PPIP5K2: variants seen among roughly 807,000 people sequenced by gnomAD.
The protein encoded by PPIP5K2 is diphosphoinositol pentakisphosphate kinase 2, also known as inositol hexakisphosphate and diphosphoinositol-pentakisphosphate kinase 2.
Under a neutral mutation model 154.6 loss-of-function variants are expected in PPIP5K2, and 105 were observed. The observed-to-expected ratio is 0.68, with a 90% CI of 0.58 to 0.80. The LOEUF is 0.80. Among genes scored for constraint, PPIP5K2 ranks in the 30% least tolerant of loss-of-function variants. The probability of loss-of-function intolerance (pLI) is 0.00; values close to 1 mark genes in which losing one functional copy is unlikely to be tolerated. For missense variants in PPIP5K2, 992 were observed against 1,504.6 expected, an observed-to-expected ratio of 0.66 and a Z score of 5.64; for synonymous variants, 480 against 490.3, an observed-to-expected ratio of 0.98 and a Z score of 0.28.
intron 21 of PPIP5K2, chr5:103,177,041 C>A: frequency 1.8e-6 from 1 of 570,418 alleles, no homozygotes; most frequent in East Asian, 3.2e-5. Flanking sequence ...AAATGGCATT[C>A]CTGTTATAGG....
rs375780717 is a variant in PPIP5K2, at chr5:103,136,842, G to A, written c.401+20G>A. 1 of 1,557,856 alleles carries A rather than the reference G, an allele frequency of 6.4e-7. No homozygotes were observed. Among genetic ancestry groups the A allele is most frequent in the African/African-American group, 1.4e-5 (1 of 73,808 alleles). On this transcript the variant is annotated intron_variant, in intron 4 of 30. Transcript: ENST00000358359. ...AGATAGGTGAGTGGTGAAGTTGGCTGAATTAAGGGAAGGAAAAATAACATT... is the reference window on the plus strand; with the variant it reads ...AGATAGGTGAGTGGTGAAGTTGGCTAAATTAAGGGAAGGAAAAATAACATT...
intron 5 of PPIP5K2, 22 bp downstream of exon 5, chr5:103,138,491 T>C (rs1346322430): frequency 6.0e-6 from 9 of 1,504,350 alleles, no homozygotes; most frequent in Non-Finnish European, 8.3e-6. Flanking sequence ...AGATTTTAGG[T>C]AAGCTTCCTT....
At position 103,207,455 on chromosome 5, in the gene PPIP5K2, A is replaced by C. The variant is rs1803579699; in HGVS notation, c.*5821A>C. ...GTGAGGGCATGGATAATGGATACAT[A>C]ATCAGCAATGTATGCTGTATACTAC... On this transcript the variant is annotated 3_prime_UTR_variant, in exon 31 of 31. Coordinates refer to ENST00000358359, the MANE Select transcript of PPIP5K2 (RefSeq NM_001276277.3). The C allele has an allele frequency of 6.6e-6, 1 of 152,224 alleles. No individual in the cohort carries two copies. The highest frequency in any genetic ancestry group is 1.5e-5 in the Non-Finnish European group (1 of 68,030). The allele number at this position is 152,224 out of a possible 1,614,324, so 9.4% of individuals were successfully genotyped here.
At position 103,174,151 on chromosome 5, in the gene PPIP5K2, C is replaced by A. The variant is rs1321550591; in HGVS notation, c.2529+179C>A. 4 of 497,366 alleles carry A rather than the reference C, an allele frequency of 8.0e-6. No individual in the cohort carries two copies. In the Admixed American group the frequency reaches 1.5e-4, roughly 19 times the overall value. The allele number at this position is 497,366 out of a possible 1,614,324, so 30.8% of individuals were successfully genotyped here. On this transcript the variant is annotated intron_variant, in intron 21 of 30. Transcript: ENST00000358359. ...GCTAGATTTTAGGGATAAAGATGTT[C>A]TCTTCAGAGAAGATACATTTAAGCA...
rs571951748 is a variant in PPIP5K2 at position 103,154,544 on chromosome 5, G to A, written c.1218-126G>A. On this transcript the variant is annotated intron_variant, in intron 11 of 30. Coordinates refer to ENST00000358359, the MANE Select transcript of PPIP5K2 (RefSeq NM_001276277.3). ...CATGTACAGTGAAAGAGGAAACACA[G>A]TACTTGAAATCCTTAGATCCCAAGT... is the stretch of plus-strand genomic sequence containing the variant. 8.5e-6 allele frequency: 5 copies of A among 589,460 alleles called. No individual in the cohort carries two copies. The East Asian group carries it at 1.2e-4, about 14-fold the overall frequency. 36.5% of individuals were successfully genotyped at this position (589,460 alleles called of 1,614,324 possible).
At chr5:103,162,949 A>G (rs1019061332) in intron 17 of PPIP5K2, among the ~76,000 whole-genome samples, 1 of 152,104 alleles carries the variant, frequency 6.6e-6, no homozygotes, top group African/African-American at 2.4e-5. Context: ...TACTGAAAAG[A>G]CTATTCTTTC....
chr5:103,138,528 A>G, intron 5 of PPIP5K2, 59 bp downstream of exon 5: 5 of 1,063,302 alleles, frequency 4.7e-6, no homozygotes, highest in Non-Finnish European at 5.7e-6. Flanking sequence ...TTTGGGCCAC[A>G]TTCTTACAAT....
intron 7 of PPIP5K2, chr5:103,148,317 A>G (rs1794068476): frequency 2.6e-6 from 1 of 382,490 alleles, no homozygotes; most frequent in South Asian, 2.3e-5. Context: ...GTTACACATA[A>G]TATGTCTTTA....
In PPIP5K2 at chr5:103,203,101, T is replaced by G. The variant is rs1803250636; in HGVS notation, c.*1467T>G. 1 of 152,588 alleles carries G rather than the reference T, an allele frequency of 6.6e-6. No homozygotes were observed. Among genetic ancestry groups the G allele is most frequent in the Non-Finnish European group, 1.5e-5 (1 of 67,990 alleles). The allele number at this position is 152,588 out of a possible 1,614,324, so 9.5% of individuals were successfully genotyped here. A position where few individuals can be genotyped will look rare whatever the true frequency, so the allele number is the denominator to read the frequency against. ...CATGTCTTGTAAACAGTTGAATGTA[T>G]GTAAGTTTTCTGTTTGTGAAAATGT... On this transcript the variant is annotated 3_prime_UTR_variant, in exon 31 of 31. Transcript: ENST00000358359.
At chr5:103,144,745 C>G (rs185929558) in intron 5 of PPIP5K2, among the ~76,000 whole-genome samples, 43 of 152,190 alleles carry the variant, frequency 2.8e-4, no homozygotes, top group Non-Finnish European at 4.4e-4. Flanking sequence ...GCCCCTATCT[C>G]TCTCCATATA....
At chr5:103,174,716 G>A (rs1010749391) in intron 21 of PPIP5K2, among the ~76,000 whole-genome samples, 4 of 151,980 alleles carry the variant, frequency 2.6e-5, no homozygotes, top group South Asian at 2.1e-4. Flanking sequence ...CTTCTGCTGC[G>A]CTCTCTTGGT....
chr5:103,161,205 C>T lies in PPIP5K2; in HGVS notation c.1920+1877C>T, dbSNP rs1395929107. Reference sequence around the variant, plus strand: ...GTTCCCACCTGTGAGTGAGAACATGCGGTGTTTGGTTTTTTGTCCTTTCGA... The same window carrying T: ...GTTCCCACCTGTGAGTGAGAACATGTGGTGTTTGGTTTTTTGTCCTTTCGA... On this transcript the variant is annotated intron_variant, in intron 17 of 30. Coordinates refer to ENST00000358359, the MANE Select transcript of PPIP5K2 (RefSeq NM_001276277.3). Among the ~76,000 whole-genome samples, 7 of 148,740 alleles carry T rather than the reference C, an allele frequency of 4.7e-5. 1 individual carries two copies. Among genetic ancestry groups the T allele is most frequent in the East Asian group, 4.0e-4 (2 of 4,944 alleles).
At chr5:103,124,278 CAA>C (rs71226931) in intron 1 of PPIP5K2, among the ~76,000 whole-genome samples, 3 of 126,842 alleles carry the variant, frequency 2.4e-5, no homozygotes, top group Middle Eastern at 4.1e-3. Context: ...GACTCCATCT[CAA>C]AAAAAAAAAA....
intron 1 of PPIP5K2, among the ~76,000 whole-genome samples, chr5:103,127,720 A>T (rs1469236955): frequency 3.9e-5 from 6 of 152,214 alleles, no homozygotes; most frequent in African/African-American, 1.4e-4. Flanking sequence ...ACTAATAGCA[A>T]CTAGCACAAG....
In PPIP5K2 at chr5:103,203,525, A is replaced by C. The variant is rs1554231382; in HGVS notation, c.*1891A>C. The C allele has an allele frequency of 1.3e-5, 2 of 152,178 alleles. No individual in the cohort carries two copies. Among genetic ancestry groups the C allele is most frequent in the African/African-American group, 2.4e-5 (1 of 41,444 alleles). The allele number at this position is 152,178 out of a possible 1,614,324, so 9.4% of individuals were successfully genotyped here. A position where few individuals can be genotyped will look rare whatever the true frequency, so the allele number is the denominator to read the frequency against. Reference sequence around the variant, plus strand: ...ATAAAAAGTCTACTGTATCAGAGCAAAATGTTATAGTTATCACTGTTTAGT... The same window carrying C: ...ATAAAAAGTCTACTGTATCAGAGCACAATGTTATAGTTATCACTGTTTAGT... On this transcript the variant is annotated 3_prime_UTR_variant, in exon 31 of 31. Coordinates refer to ENST00000358359, the MANE Select transcript of PPIP5K2 (RefSeq NM_001276277.3).
chr5:103,212,312 T>C lies in PPIP5K2; in HGVS notation c.*10678T>C, dbSNP rs1038829883. On this transcript the variant is annotated 3_prime_UTR_variant, in exon 31 of 31. Coordinates refer to ENST00000358359, the MANE Select transcript of PPIP5K2 (RefSeq NM_001276277.3). ...CAGGGCACACACATGACTCCCGCAA[T>C]AGGAAACCACACTGAAGACATTCTC... is the stretch of plus-strand genomic sequence containing the variant. 6.6e-6 allele frequency: 1 copy of C among 152,660 alleles called. No homozygotes were observed. Among genetic ancestry groups the C allele is most frequent in the Non-Finnish European group, 1.5e-5 (1 of 67,990 alleles). 9.5% of individuals were successfully genotyped at this position (152,660 alleles called of 1,614,324 possible).
intron 17 of PPIP5K2, among the ~76,000 whole-genome samples, chr5:103,162,411 G>A (rs1441068483): frequency 6.7e-6 from 1 of 149,698 alleles, no homozygotes; most frequent in African/African-American, 2.5e-5. Flanking sequence ...CACCCAGGCG[G>A]GAGTGCAGTG....
intron 19 of PPIP5K2, among the ~76,000 whole-genome samples, chr5:103,168,559 A>ATAATGTGAT (rs1797481146): frequency 6.6e-6 from 1 of 151,796 alleles, no homozygotes; most frequent in Non-Finnish European, 1.5e-5. Context: ...GCAAAATCAA[A>ATAATGTGAT]CAGAAGGTAC....
intron 3 of PPIP5K2, 116 bp from the exon 4 acceptor site, chr5:103,136,616 G>C (rs1214399390): frequency 1.3e-6 from 1 of 742,632 alleles, no homozygotes; most frequent in Non-Finnish European, 2.4e-6. Flanking sequence ...TTTATAGAAG[G>C]GTGTTATGTG....
Sources: allele counts gnomAD v4.1 joint callset (sites outside exome capture counted in the v4.1 genomes callset), GRCh38; gene constraint gnomAD v4.1.1; transcripts MANE v1.5; gene names NCBI Gene and HGNC (gene_info 2026-07-23, HGNC 2026-07-21).